MSRA: variants seen among roughly 807,000 people sequenced by gnomAD.
MSRA encodes mitochondrial peptide methionine sulfoxide reductase.
In MSRA, 54 loss-of-function variants were observed where a neutral mutation model predicts 31.3. The observed-to-expected ratio is 1.73, with a 90% CI of 1.39 to 2.17. The LOEUF (loss-of-function observed/expected upper bound fraction) is 2.17. Among genes scored for constraint, MSRA ranks in the 30% most tolerant of loss-of-function variants. MSRA has a pLI of 0.00. For missense variants in MSRA, 507 were observed against 300.9 expected (o/e 1.69, Z -5.07); for synonymous variants, 169 against 116.5 (o/e 1.45, Z -2.90).
At chr8:10,097,180 GA>G (rs1372445583) in intron 1 of MSRA, among the ~76,000 whole-genome samples, 1 of 152,058 alleles carries the variant, frequency 6.6e-6, no homozygotes, top group Non-Finnish European at 1.5e-5. Flanking sequence ...AAATATGATT[GA>G]AAAATATATG....
At chr8:10,283,836 T>TATACACACACAC (rs1261287031) in intron 3 of MSRA, among the ~76,000 whole-genome samples, 25 of 53,162 alleles carry the variant, frequency 4.7e-4, no homozygotes, top group African/African-American at 1.7e-3. Flanking sequence ...TATATATATA[T>TATACACACACAC]ACACACACAC....
Position 10,323,122 on chromosome 8 carries a change from G to A in MSRA, c.543+3133G>A, listed in dbSNP as rs149442271. Among the ~76,000 whole-genome samples, 1,441 of 151,198 alleles carry A rather than the reference G, an allele frequency of 9.5e-3. 23 individuals are homozygous for A. The highest frequency in any genetic ancestry group is 0.033 in the African/African-American group (1,351 of 41,148). On this transcript the variant is annotated intron_variant, in intron 5 of 5. Transcript: ENST00000317173. ...AAAAAAAAAAAATGCAGAAGAGAGGGCTTAGTACCCGAGGAACTGATTCCT... is the reference window on the plus strand; with the variant it reads ...AAAAAAAAAAAATGCAGAAGAGAGGACTTAGTACCCGAGGAACTGATTCCT...
chr8:10,310,348 C>G (rs1801367814), intron 4 of MSRA, among the ~76,000 whole-genome samples: 1 of 152,198 alleles, frequency 6.6e-6, no homozygotes, highest in Non-Finnish European at 1.5e-5. Context: ...AAGAATTTAA[C>G]TGATATTTTT....
At chr8:10,312,613 C>A (rs1366997163) in intron 4 of MSRA, among the ~76,000 whole-genome samples, 1 of 152,144 alleles carries the variant, frequency 6.6e-6, no homozygotes, top group East Asian at 1.9e-4. Flanking sequence ...AATTGTAGGA[C>A]AATCTTACTT....
At position 10,411,599 on chromosome 8, in the gene MSRA, T is replaced by C. The variant is rs890325795; in HGVS notation, c.544-16549T>C. 27 of 152,286 alleles carry C rather than the reference T, an allele frequency of 1.8e-4. 1 individual carries two copies. Among genetic ancestry groups the C allele is most frequent in the Middle Eastern group, 3.4e-3 (1 of 294 alleles). 9.4% of individuals were successfully genotyped at this position (152,286 alleles called of 1,614,324 possible). On this transcript the variant is annotated intron_variant, in intron 5 of 5. Transcript: ENST00000317173. ...GGGAGAATTTCTGCTTGCAAGCTGGTCAGCCTGTTTGCAGCTGACAGATGT... is the reference window on the plus strand; with the variant it reads ...GGGAGAATTTCTGCTTGCAAGCTGGCCAGCCTGTTTGCAGCTGACAGATGT...
In MSRA at chr8:10,057,718, T is replaced by C. The variant is rs571231957; in HGVS notation, c.142+3060T>C. 2.0e-5 allele frequency among the ~76,000 whole-genome samples: 3 copies of C among 152,290 alleles called. No individual in the cohort carries two copies. In the East Asian group the frequency reaches 5.8e-4, roughly 29 times the overall value. Reference sequence around the variant, plus strand: ...TTTAAAAGTGTGTAGCTTGCCCCTTTGCGCTCTCTCGTTCTCTCCTGCTCC... The same window carrying C: ...TTTAAAAGTGTGTAGCTTGCCCCTTCGCGCTCTCTCGTTCTCTCCTGCTCC... On this transcript the variant is annotated intron_variant, in intron 1 of 5. Coordinates refer to ENST00000317173, the MANE Select transcript of MSRA (RefSeq NM_012331.5).
intron 5 of MSRA, among the ~76,000 whole-genome samples, chr8:10,344,831 T>C (rs1022654509): frequency 6.6e-6 from 1 of 152,158 alleles, no homozygotes; most frequent in African/African-American, 2.4e-5. Context: ...AGTGGACATA[T>C]TTATTCTTCC....
chr8:10,181,830 C>T (rs188143687), intron 1 of MSRA, among the ~76,000 whole-genome samples: 1 of 152,306 alleles, frequency 6.6e-6, no homozygotes, highest in East Asian at 1.9e-4. Context: ...GCTCTGGAGA[C>T]CTCACTTCTA....
intron 5 of MSRA, among the ~76,000 whole-genome samples, chr8:10,327,436 G>A (rs908565265): frequency 6.6e-6 from 1 of 152,210 alleles, no homozygotes; most frequent in African/African-American, 2.4e-5. Context: ...TAAAAAAACA[G>A]TATGCATGTA....
intron 1 of MSRA, among the ~76,000 whole-genome samples, chr8:10,085,550 A>G (rs1323241153): frequency 6.6e-6 from 1 of 152,200 alleles, no homozygotes; most frequent in Non-Finnish European, 1.5e-5. Flanking sequence ...ATGATACGGT[A>G]CCTTGGATGG....
At chr8:10,285,240 C>T (rs1372262886) in intron 3 of MSRA, among the ~76,000 whole-genome samples, 1 of 152,186 alleles carries the variant, frequency 6.6e-6, no homozygotes, top group Non-Finnish European at 1.5e-5. Context: ...GACAGCCACC[C>T]TTCCCAATCT....
chr8:10,071,842 C>A (rs886445216), intron 1 of MSRA, among the ~76,000 whole-genome samples: 168 of 152,184 alleles, frequency 1.1e-3, no homozygotes, highest in African/African-American at 3.4e-3. Flanking sequence ...ACACTTGTGC[C>A]CGCTGTATCT....
intron 1 of MSRA, among the ~76,000 whole-genome samples, chr8:10,137,041 G>A (rs923044333): frequency 6.6e-6 from 1 of 152,168 alleles, no homozygotes; most frequent in African/African-American, 2.4e-5. Flanking sequence ...GCAGTAACCT[G>A]TGATGTGCGT....
intron 5 of MSRA, among the ~76,000 whole-genome samples, chr8:10,393,466 A>T (rs1444312922): frequency 6.6e-6 from 1 of 152,234 alleles, no homozygotes; most frequent in African/African-American, 2.4e-5. Flanking sequence ...AAATTGGCAC[A>T]AACATTCTAT....
chr8:10,238,448 C>G (rs924184625), intron 2 of MSRA, among the ~76,000 whole-genome samples: 1 of 152,154 alleles, frequency 6.6e-6, no homozygotes, highest in Non-Finnish European at 1.5e-5. Context: ...AGGGTAGGAT[C>G]TTGTTTGCTT....
intron 3 of MSRA, among the ~76,000 whole-genome samples, 198 bp downstream of exon 3, chr8:10,245,421 T>G (rs1044872074): frequency 2.0e-5 from 3 of 152,260 alleles, no homozygotes; most frequent in Non-Finnish European, 4.4e-5. Context: ...GAGTGCACCA[T>G]TTAGCTTTTG....
At chr8:10,209,745 C>G (rs566177992) in intron 2 of MSRA, among the ~76,000 whole-genome samples, 10 of 152,176 alleles carry the variant, frequency 6.6e-5, no homozygotes, top group African/African-American at 2.4e-4. Context: ...TTACCTCTTA[C>G]GCCTTCAGGA....
At chr8:10,119,747 G>T (rs1563117835) in intron 1 of MSRA, among the ~76,000 whole-genome samples, 1 of 152,138 alleles carries the variant, frequency 6.6e-6, no homozygotes, top group African/African-American at 2.4e-5. Flanking sequence ...TCTTATAATC[G>T]AGTAGAGTAC....
At chr8:10,369,600 A>T (rs1344221769) in intron 5 of MSRA, among the ~76,000 whole-genome samples, 1 of 152,236 alleles carries the variant, frequency 6.6e-6, no homozygotes, top group Non-Finnish European at 1.5e-5. Context: ...GTAATATAAA[A>T]GGAGGATAGA....
Sources: gnomAD v4.1 joint callset for allele counts (sites outside exome capture counted in the v4.1 genomes callset) on GRCh38, gnomAD v4.1.1 for gene constraint, MANE v1.5 for transcripts, NCBI Gene and HGNC (gene_info 2026-07-23, HGNC 2026-07-21) for gene names.